Variants in SNTG1 observed in about 807,000 individuals in gnomAD.
The protein encoded by SNTG1 is gamma-1-syntrophin.
In SNTG1, 39 loss-of-function variants were observed where a neutral mutation model predicts 74.7. The ratio of observed to expected loss-of-function variants is 0.52; its 90% CI spans 0.40 to 0.68. The LOEUF (loss-of-function observed/expected upper bound fraction) is 0.68. SNTG1 is among the 30% of genes least tolerant of loss of function. The probability of loss-of-function intolerance (pLI) is 0.00; values close to 1 mark genes in which losing one functional copy is unlikely to be tolerated. For synonymous variants in SNTG1, 254 were observed against 217.1 expected (o/e 1.17, Z -1.49); for missense variants, 685 against 609.5 (o/e 1.12, Z -1.30).
chr8:50,773,143 T>A lies in SNTG1; in HGVS notation c.1396-19528T>A, dbSNP rs549144199. Among the ~76,000 whole-genome samples, 67 of 152,250 alleles carry A rather than the reference T, an allele frequency of 4.4e-4. 1 individual carries two copies. The South Asian group carries it at 6.2e-3, about 14-fold the overall frequency. ...TTACTTGACCTCACTCAGACCTTTC[T>A]CATTGGAAAAATTGCTAACCTAAGT... On this transcript the variant is annotated intron_variant, in intron 18 of 18. Transcript: ENST00000642720.
At chr8:50,596,414 T>C (rs2094727455) in intron 13 of SNTG1, among the ~76,000 whole-genome samples, 1 of 152,100 alleles carries the variant, frequency 6.6e-6, no homozygotes, top group Non-Finnish European at 1.5e-5. Flanking sequence ...CCTAGGTTTT[T>C]TACAGTATTC....
intron 2 of SNTG1, among the ~76,000 whole-genome samples, chr8:50,256,259 G>A (rs898977949): frequency 1.1e-4 from 16 of 151,892 alleles, no homozygotes; most frequent in Non-Finnish European, 2.4e-4. Context: ...CCATAAAAGT[G>A]TATACCACAT....
chr8:50,018,504 A>G (rs1409250784), intron 1 of SNTG1, among the ~76,000 whole-genome samples: 1 of 152,028 alleles, frequency 6.6e-6, no homozygotes, highest in Admixed American at 6.6e-5. Context: ...TGGACTGTAG[A>G]CATGAATGTA....
chr8:50,456,668 C>T (rs940079844), intron 8 of SNTG1, among the ~76,000 whole-genome samples: 1 of 152,150 alleles, frequency 6.6e-6, no homozygotes, highest in African/African-American at 2.4e-5. Flanking sequence ...GCTACCACCA[C>T]AATGGGGGTC....
intron 1 of SNTG1, among the ~76,000 whole-genome samples, chr8:49,957,575 G>T (rs1317136993): frequency 6.6e-6 from 1 of 152,186 alleles, no homozygotes; most frequent in African/African-American, 2.4e-5. Context: ...CAGCAGGAAA[G>T]AAACATGTTC....
At chr8:50,500,802 G>A (rs181296288) in intron 8 of SNTG1, among the ~76,000 whole-genome samples, 1 of 152,200 alleles carries the variant, frequency 6.6e-6, no homozygotes, top group Admixed American at 6.5e-5. Context: ...ACTGTTCCCT[G>A]CTGGGATTGT....
chr8:50,251,541 A>C (rs2086647389), intron 2 of SNTG1, among the ~76,000 whole-genome samples: 1 of 151,858 alleles, frequency 6.6e-6, no homozygotes, highest in Non-Finnish European at 1.5e-5. Flanking sequence ...AATATATTTC[A>C]TACAAATGGA....
chr8:50,704,823 T>C (rs1427970688), intron 16 of SNTG1, 71 bp downstream of exon 16: 4 of 1,536,444 alleles, frequency 2.6e-6, no homozygotes, highest in Non-Finnish European at 3.6e-6. Context: ...AGTTCTAATA[T>C]CATTCCAAAG....
At chr8:50,555,350 G>A (rs942706218) in intron 12 of SNTG1, among the ~76,000 whole-genome samples, 1 of 152,116 alleles carries the variant, frequency 6.6e-6, no homozygotes, top group Non-Finnish European at 1.5e-5. Context: ...ATTCTGATAT[G>A]GAAAGTACTA....
chr8:50,036,256 T>C (rs902681276), intron 1 of SNTG1, among the ~76,000 whole-genome samples: 4 of 152,214 alleles, frequency 2.6e-5, no homozygotes, highest in Non-Finnish European at 5.9e-5. Context: ...CACCATTTTA[T>C]TGATAAGAAA....
At chr8:50,095,127 G>T (rs80289378) in intron 1 of SNTG1, among the ~76,000 whole-genome samples, 2 of 152,052 alleles carry the variant, frequency 1.3e-5, no homozygotes, top group Non-Finnish European at 2.9e-5. Context: ...ACAAAAAGAC[G>T]GGAGCAATAA....
At chr8:50,494,464 T>C (rs549946391) in intron 8 of SNTG1, among the ~76,000 whole-genome samples, 1 of 152,144 alleles carries the variant, frequency 6.6e-6, no homozygotes, top group South Asian at 2.1e-4. Flanking sequence ...ACTGGAATCA[T>C]CTCTTCTTTA....
chr8:49,978,680 A>C (rs1438041229), intron 1 of SNTG1, among the ~76,000 whole-genome samples: 1 of 152,246 alleles, frequency 6.6e-6, no homozygotes, highest in Non-Finnish European at 1.5e-5. Context: ...AGAATGAAAT[A>C]GTAATACAAA....
intron 1 of SNTG1, among the ~76,000 whole-genome samples, chr8:49,946,343 A>G (rs755415405): frequency 7.2e-5 from 11 of 152,200 alleles, no homozygotes; most frequent in Non-Finnish European, 1.2e-4. Flanking sequence ...ATAATAGTTC[A>G]ATATACATTC....
chr8:50,568,869 C>T (rs759668538), intron 12 of SNTG1: 1 of 152,086 alleles, frequency 6.6e-6, no homozygotes, highest in African/African-American at 2.4e-5. Context: ...CATTTATTTC[C>T]TATCATCTGT....
intron 8 of SNTG1, among the ~76,000 whole-genome samples, chr8:50,486,657 A>C (rs1377490927): frequency 1.8e-4 from 26 of 147,306 alleles, no homozygotes; most frequent in African/African-American, 4.5e-4. Flanking sequence ...TCTCCTGCCT[A>C]ATTGCCCTGG....
At chr8:50,147,077 C>A (rs931543393) in intron 1 of SNTG1, among the ~76,000 whole-genome samples, 10 of 151,714 alleles carry the variant, frequency 6.6e-5, no homozygotes, top group African/African-American at 1.5e-4. Flanking sequence ...TATTTAAAAC[C>A]AAAGGCAGGA....
chr8:50,022,982 A>C (rs1585934613), intron 1 of SNTG1, among the ~76,000 whole-genome samples: 1 of 152,328 alleles, frequency 6.6e-6, no homozygotes, highest in East Asian at 1.9e-4. Context: ...AAACAAAAAC[A>C]AAAAATGTAC....
chr8:50,451,684 C>T (rs561363564), intron 8 of SNTG1, among the ~76,000 whole-genome samples: 1 of 152,062 alleles, frequency 6.6e-6, no homozygotes, highest in South Asian at 2.1e-4. Flanking sequence ...TTTTAGCAAC[C>T]GGCCTAAGTG....
Sources: gnomAD v4.1 joint callset for allele counts (sites outside exome capture counted in the v4.1 genomes callset) on GRCh38, gnomAD v4.1.1 for gene constraint, MANE v1.5 for transcripts, NCBI Gene and HGNC (gene_info 2026-07-23, HGNC 2026-07-21) for gene names.